MIB1: variants seen among roughly 807,000 people sequenced by gnomAD.
MIB1 encodes the protein MIB E3 ubiquitin protein ligase 1, also known as E3 ubiquitin-protein ligase MIB1.
In MIB1, 278 loss-of-function variants were observed where a neutral mutation model predicts 124.5. The observed-to-expected ratio is 2.23, with a 90% CI of 2.02 to 2.47. MIB1 has a LOEUF of 2.47. Ranked by LOEUF, MIB1 falls within the 30% of genes most tolerant of loss-of-function variation. The pLI is 0.00. For synonymous variants in MIB1, 446 were observed against 429.4 expected, an observed-to-expected ratio of 1.04 and a Z score of -0.48; for missense variants, 957 against 1,254.4, an observed-to-expected ratio of 0.76 and a Z score of 3.58.
intron 1 of MIB1, among the ~76,000 whole-genome samples, chr18:21,714,005 G>C (rs2040677609): frequency 8.5e-5 from 13 of 152,192 alleles, no homozygotes; most frequent in Admixed American, 8.5e-4. Context: ...TATAATGCAG[G>C]CTTGTTTGCA....
At chr18:21,784,231 TAG>T (rs1422905261) in intron 6 of MIB1, among the ~76,000 whole-genome samples, 1 of 151,832 alleles carries the variant, frequency 6.6e-6, no homozygotes, top group African/African-American at 2.4e-5. Context: ...GTATTTTTAG[TAG>T]AGAGGGGGTT....
At chr18:21,763,654 A>T (rs1309410745) in intron 1 of MIB1, among the ~76,000 whole-genome samples, 2 of 152,156 alleles carry the variant, frequency 1.3e-5, no homozygotes, top group Non-Finnish European at 2.9e-5. Flanking sequence ...TAATTGCTAA[A>T]TATTTCTAAT....
rs760031743 is a variant in MIB1, at chr18:21,857,188, G to A, written c.2724G>A (p.Val908=). 5 of 1,614,056 alleles carry A rather than the reference G, an allele frequency of 3.1e-6. No individual in the cohort carries two copies. The highest frequency in any genetic ancestry group is 1.7e-5 in the Admixed American group (1 of 60,002). ...VQCRAVVERR[V]PFIMCCGGKS... is the part of the protein sequence containing the mutation. ...GTCGAGCAGTAGTTGAACGAAGAGT[G>A]CCTTTCATTATGTGCTGTGGAGGGA... Residue 908 remains valine, a synonymous_variant, in exon 19 of 21, where the codon GTG becomes GTA. Transcript: ENST00000261537.
Position 21,868,898 on chromosome 18 carries a change from A to G in MIB1, c.*4232A>G, listed in dbSNP as rs1733584786. 6.6e-6 allele frequency: 1 copy of G among 152,378 alleles called. No homozygotes were observed. Among genetic ancestry groups the G allele is most frequent in the Non-Finnish European group, 1.5e-5 (1 of 67,914 alleles). 9.4% of individuals were successfully genotyped at this position (152,378 alleles called of 1,614,324 possible). A position where few individuals can be genotyped will look rare whatever the true frequency, so the allele number is the denominator to read the frequency against. ...GAGCCTCAATTTACTGGTTAGTAGT[A>G]TGTGAAACTCTGGTATAAAAACGTA... On this transcript the variant is annotated 3_prime_UTR_variant, in exon 21 of 21. Coordinates refer to ENST00000261537, the MANE Select transcript of MIB1 (RefSeq NM_020774.4).
intron 12 of MIB1, among the ~76,000 whole-genome samples, chr18:21,823,316 G>A (rs1469532975): frequency 6.6e-6 from 1 of 150,686 alleles, no homozygotes; most frequent in Non-Finnish European, 1.5e-5. Context: ...CGAGAATATT[G>A]CTCGAGCCTA....
In MIB1 at chr18:21,753,320, C is replaced by A. The variant is rs1338980550; in HGVS notation, c.229+11508C>A. Reference sequence around the variant, plus strand: ...TCTCCTGCCGCAGCCTCCTAAGTAGCTGGGATTACAGGTGCCTGCCACTAC... The same window carrying A: ...TCTCCTGCCGCAGCCTCCTAAGTAGATGGGATTACAGGTGCCTGCCACTAC... On this transcript the variant is annotated intron_variant, in intron 1 of 20. Transcript: ENST00000261537. Among the ~76,000 whole-genome samples, 3 of 151,866 alleles carry A rather than the reference C, an allele frequency of 2.0e-5. No homozygotes were observed. In the East Asian group the frequency reaches 5.8e-4, roughly 29 times the overall value.
chr18:21,863,663 G>C (rs1271827492), intron 20 of MIB1, among the ~76,000 whole-genome samples: 1 of 152,090 alleles, frequency 6.6e-6, no homozygotes, highest in Non-Finnish European at 1.5e-5. Flanking sequence ...TGGGCTGTGG[G>C]TAGTTTTGGA....
At chr18:21,760,602 AT>A (rs1183965454) in intron 1 of MIB1, among the ~76,000 whole-genome samples, 1 of 152,090 alleles carries the variant, frequency 6.6e-6, no homozygotes, top group Non-Finnish European at 1.5e-5. Flanking sequence ...GAATTATAGA[AT>A]TTTTTTAACC....
intron 2 of MIB1, among the ~76,000 whole-genome samples, chr18:21,766,967 G>A (rs1189676446): frequency 3.3e-5 from 5 of 152,152 alleles, no homozygotes; most frequent in African/African-American, 1.2e-4. Flanking sequence ...TTATGTGAAT[G>A]AGAAAGATGT....
intron 10 of MIB1, among the ~76,000 whole-genome samples, chr18:21,805,232 C>G (rs1033534039): frequency 7.2e-5 from 11 of 152,040 alleles, no homozygotes; most frequent in Admixed American, 2.0e-4. Context: ...GGGGTGGTCT[C>G]GAGCTCCTGA....
At chr18:21,840,246 A>T (rs1354676891) in intron 13 of MIB1, among the ~76,000 whole-genome samples, 1 of 152,236 alleles carries the variant, frequency 6.6e-6, no homozygotes, top group Non-Finnish European at 1.5e-5. Context: ...TAAAAAATGC[A>T]GAAGTAGAAC....
intron 12 of MIB1, chr18:21,826,993 T>C (rs1214556814): frequency 6.6e-6 from 1 of 152,174 alleles, no homozygotes; most frequent in Non-Finnish European, 1.5e-5. Context: ...CTTCTATTTT[T>C]ACTAGTTATA....
At chr18:21,784,264 G>A (rs1285663112) in intron 6 of MIB1, among the ~76,000 whole-genome samples, 2 of 150,936 alleles carry the variant, frequency 1.3e-5, no homozygotes, top group Non-Finnish European at 3.0e-5. Context: ...GGCCAGGCTG[G>A]TCTGGATCTC....
intron 1 of MIB1, chr18:21,705,249 A>G (rs2040613795): frequency 6.6e-6 from 1 of 152,262 alleles, no homozygotes. Context: ...AAAATATTCT[A>G]TGAGCATTCA....
At chr18:21,831,389 CTT>C (rs1568218978) in intron 12 of MIB1, 1 of 151,358 alleles carries the variant, frequency 6.6e-6, no homozygotes, top group Non-Finnish European at 1.5e-5. Flanking sequence ...ACGAGGCTAA[CTT>C]ATATTCTTCC....
intron 20 of MIB1, among the ~76,000 whole-genome samples, chr18:21,862,197 G>A (rs538596225): frequency 3.2e-4 from 3 of 9,304 alleles, no homozygotes; most frequent in East Asian, 0.11. Context: ...GCGCCTGGCC[G>A]GCTTTTTAAA....
At chr18:21,810,083 GTC>G (rs2041753831) in intron 10 of MIB1, among the ~76,000 whole-genome samples, 1 of 152,068 alleles carries the variant, frequency 6.6e-6, no homozygotes, top group Non-Finnish European at 1.5e-5. Context: ...ACAATGAACA[GTC>G]TGTTAATTGA....
chr18:21,767,131 T>G (rs1226358316), intron 2 of MIB1, among the ~76,000 whole-genome samples: 1 of 152,202 alleles, frequency 6.6e-6, no homozygotes, highest in Non-Finnish European at 1.5e-5. Flanking sequence ...ATTTTACCGA[T>G]ACATACATAT....
intron 12 of MIB1, among the ~76,000 whole-genome samples, chr18:21,829,864 G>A (rs910292087): frequency 3.2e-4 from 49 of 152,166 alleles, no homozygotes; most frequent in African/African-American, 1.1e-3. Flanking sequence ...TGTCAGAATC[G>A]TCAACTTTTA....
Sources: allele counts gnomAD v4.1 joint callset (sites outside exome capture counted in the v4.1 genomes callset), GRCh38; gene constraint gnomAD v4.1.1; transcripts MANE v1.5; gene names NCBI Gene and HGNC (gene_info 2026-07-23, HGNC 2026-07-21).